CD1B: variants seen among roughly 807,000 people sequenced by gnomAD.
CD1B encodes the protein CD1b molecule.
Under a neutral mutation model 39.8 loss-of-function variants are expected in CD1B, and 43 were observed. The ratio of observed to expected loss-of-function variants is 1.08; its 90% CI spans 0.85 to 1.39. The LOEUF (loss-of-function observed/expected upper bound fraction) is 1.39. CD1B is among the 40% of genes most tolerant of loss of function. CD1B has a pLI of 0.00. For synonymous variants in CD1B, 192 were observed against 152.5 expected (o/e 1.26, Z -1.91); for missense variants, 495 against 403.8 (o/e 1.23, Z -1.94).
chr1:158,324,645 A>G (rs1652286694), downstream of CD1B, among the ~76,000 whole-genome samples: 1 of 152,184 alleles, frequency 6.6e-6, no homozygotes, highest in Non-Finnish European at 1.5e-5. Context: ...TCCTCAAAAA[A>G]ATTTCCACAG....
At chr1:158,328,572 C>A (rs1239162528) in intron 5 of CD1B, among the ~76,000 whole-genome samples, 1 of 152,064 alleles carries the variant, frequency 6.6e-6, no homozygotes, top group Non-Finnish European at 1.5e-5. Flanking sequence ...GTAGAGCTGT[C>A]CTAACCAGGG....
chr1:158,314,613 C>G, the CD1B span, among the ~76,000 whole-genome samples: 1 of 151,568 alleles, frequency 6.6e-6, no homozygotes, highest in Non-Finnish European at 1.5e-5. Flanking sequence ...CTTAGAAATG[C>G]TTTTGCTGTA....
chr1:158,302,253 A>G, the CD1B span, among the ~76,000 whole-genome samples: 1 of 152,208 alleles, frequency 6.6e-6, no homozygotes, highest in Admixed American at 6.6e-5. Context: ...GAAAACAAAG[A>G]TACTACATGC....
the CD1B span, among the ~76,000 whole-genome samples, chr1:158,319,427 A>C: frequency 0.51 from 77,487 of 151,826 alleles, 22,052 homozygotes; most frequent in East Asian, 0.76. Flanking sequence ...TCTTCCATCA[A>C]TGATACCCTT....
the CD1B span, among the ~76,000 whole-genome samples, chr1:158,316,322 T>G: frequency 6.6e-6 from 1 of 152,018 alleles, no homozygotes; most frequent in African/African-American, 2.4e-5. Flanking sequence ...TTTTATCCTC[T>G]TTTATTTCAT....
At chr1:158,309,271 A>G in the CD1B span, among the ~76,000 whole-genome samples, 10 of 152,226 alleles carry the variant, frequency 6.6e-5, no homozygotes, top group Non-Finnish European at 1.5e-5. Flanking sequence ...GCAAATCAAA[A>G]CCACAATGAG....
the CD1B span, among the ~76,000 whole-genome samples, chr1:158,318,354 G>C: frequency 3.1e-4 from 47 of 152,220 alleles, no homozygotes; most frequent in African/African-American, 1.1e-3. Context: ...CTCCTGTATT[G>C]GGTGCATATA....
the CD1B span, chr1:158,293,441 C>T: frequency 3.1e-6 from 5 of 1,613,850 alleles, no homozygotes; most frequent in South Asian, 2.2e-5. Context: ...TCTCCCATTC[C>T]TGTTCCTTCA....
downstream of CD1B, among the ~76,000 whole-genome samples, chr1:158,324,702 G>C (rs1056378361): frequency 2.6e-5 from 4 of 152,030 alleles, no homozygotes; most frequent in African/African-American, 9.7e-5. Flanking sequence ...TAGAAACTAG[G>C]ATTAACCCAG....
rs1557821065 is a variant in CD1B at position 158,328,934 on chromosome 1, AC to A, written c.966del (p.Trp322CysfsTer3). On this transcript the variant is annotated frameshift_variant, in exon 5 of 6. Transcript: ENST00000368168. LOFTEE classifies it high-confidence loss of function. ...CCCACAACTCACCGGCGCCTCATAT[AC>A]CATAATGCAAGGCATAGCAAAAGGA... ...SLLLLLCLAL[W>X]YMRRRSYQNI... The A allele has an allele frequency of 2.5e-6, 4 of 1,611,324 alleles. No individual in the cohort carries two copies. Among genetic ancestry groups the A allele is most frequent in the Non-Finnish European group, 3.4e-6 (4 of 1,178,888 alleles).
chr1:158,322,545 C>T, the CD1B span, among the ~76,000 whole-genome samples: 1 of 152,006 alleles, frequency 6.6e-6, no homozygotes, highest in Admixed American at 6.5e-5. Context: ...GGTGGGGTTA[C>T]AGCCATGAGC....
chr1:158,294,866 G>T, the CD1B span, among the ~76,000 whole-genome samples: 1 of 152,192 alleles, frequency 6.6e-6, no homozygotes, highest in East Asian at 1.9e-4. Context: ...TTGCTGAATA[G>T]AATTCCATGT....
chr1:158,315,361 A>G, the CD1B span, among the ~76,000 whole-genome samples: 1 of 151,744 alleles, frequency 6.6e-6, no homozygotes, highest in African/African-American at 2.4e-5. Flanking sequence ...AACTGGTGTG[A>G]GATGGTATCT....
the CD1B span, among the ~76,000 whole-genome samples, chr1:158,302,615 C>T: frequency 1.1e-4 from 17 of 152,236 alleles, no homozygotes; most frequent in Admixed American, 2.6e-4. Flanking sequence ...TTGCCACCAA[C>T]CTCATAGAAA....
the CD1B span, among the ~76,000 whole-genome samples, chr1:158,285,535 A>G: frequency 6.6e-6 from 1 of 152,344 alleles, no homozygotes; most frequent in Admixed American, 6.5e-5. Flanking sequence ...GTAGAAAGCA[A>G]TATGAGATCA....
chr1:158,310,222 G>A, the CD1B span, among the ~76,000 whole-genome samples: 1 of 152,224 alleles, frequency 6.6e-6, no homozygotes, highest in African/African-American at 2.4e-5. Context: ...ATGGGGTGAA[G>A]ACTTCCTATT....
At chr1:158,314,870 T>A in the CD1B span, among the ~76,000 whole-genome samples, 2 of 145,948 alleles carry the variant, frequency 1.4e-5, no homozygotes, top group African/African-American at 5.1e-5. Flanking sequence ...TGTGATCTCT[T>A]TGTTCAATTC....
At chr1:158,300,470 G>A in the CD1B span, among the ~76,000 whole-genome samples, 1 of 152,178 alleles carries the variant, frequency 6.6e-6, no homozygotes, top group Non-Finnish European at 1.5e-5. Context: ...ATTTGGGGTA[G>A]AGAGTACCGT....
At chr1:158,308,280 T>C in the CD1B span, among the ~76,000 whole-genome samples, 7 of 152,168 alleles carry the variant, frequency 4.6e-5, no homozygotes, top group African/African-American at 1.4e-4. Flanking sequence ...ACAAGGGATG[T>C]GAAGGACCTC....
Sources: gnomAD v4.1 joint callset for allele counts (sites outside exome capture counted in the v4.1 genomes callset) on GRCh38, gnomAD v4.1.1 for gene constraint, MANE v1.5 for transcripts, NCBI Gene and HGNC (gene_info 2026-07-23, HGNC 2026-07-21) for gene names.